The following KLHL30 variants were observed in gnomAD, a reference collection of about 807,000 sequenced individuals.
KLHL30 encodes kelch like family member 30.
Under a neutral mutation model 55.0 loss-of-function variants are expected in KLHL30, and 55 were observed. The observed-to-expected ratio is 1.00, with a 90% CI of 0.80 to 1.25. The LOEUF is 1.25. Among genes scored for constraint, KLHL30 ranks in the 50% most tolerant of loss-of-function variants. The pLI is 0.00. For missense variants in KLHL30, 786 were observed against 811.6 expected (o/e 0.97, Z 0.38); for synonymous variants, 356 against 372.6 (o/e 0.96, Z 0.51).
intron 2 of KLHL30, 105 bp from the exon 3 acceptor site, chr2:238,142,694 G>T: frequency 5.3e-6 from 6 of 1,132,912 alleles, no homozygotes; most frequent in Non-Finnish European, 6.9e-6. Context: ...CCAGCAACAT[G>T]CAAGCACACA....
rs757709210 is a variant in KLHL30, at chr2:238,150,975, G to A, written c.1647G>A (p.Leu549=). The A allele has an allele frequency of 3.6e-5, 57 of 1,590,788 alleles. No homozygotes were observed. Among genetic ancestry groups the A allele is most frequent in the Admixed American group, 1.1e-4 (6 of 56,952 alleles). Residue 549 remains leucine, a synonymous_variant, in exon 8 of 8, where the codon CTG becomes CTA. Transcript: ENST00000409223. The part of the protein sequence containing the change: ...VRDTWTRHGA[L]PRLWLYHGAS... Reference sequence around the variant, plus strand: ...ACACCTGGACCCGCCACGGCGCCCTGCCCCGGCTCTGGCTCTACCACGGGG... The same window carrying A: ...ACACCTGGACCCGCCACGGCGCCCTACCCCGGCTCTGGCTCTACCACGGGG...
chr2:238,148,154 G>A (rs1239187310), intron 6 of KLHL30, 132 bp downstream of exon 6: 21 of 851,204 alleles, frequency 2.5e-5, no homozygotes, highest in East Asian at 9.9e-5. Flanking sequence ...GCCGGCGGCC[G>A]CAGGCCTCTC....
At chr2:238,149,178 T>C in intron 7 of KLHL30, 26 bp downstream of exon 7, 1 of 1,610,736 alleles carries the variant, frequency 6.2e-7, no homozygotes, top group Non-Finnish European at 8.5e-7. Flanking sequence ...CCCCAACATG[T>C]GTGAGCCCCT....
chr2:238,140,899 G>T lies in KLHL30; in HGVS notation c.145G>T (p.Gly49Cys). ...CGGCCGGGAGCTGCCATGCCACCGCGGCCTCCTGGCGCTCAGCAGCCCCTA... is the reference window on the plus strand; with the variant it reads ...CGGCCGGGAGCTGCCATGCCACCGCTGCCTCCTGGCGCTCAGCAGCCCCTA... ...VGGRELPCHR[G>C]LLALSSPYFH... The change falls in exon 2 of 8, where the codon GGC becomes TGC. Residue 49 changes from glycine to cysteine, a missense_variant. Transcript: ENST00000409223. 6.2e-7 allele frequency: 1 copy of T among 1,610,490 alleles called. No individual in the cohort carries two copies. The highest frequency in any genetic ancestry group is 8.5e-7 in the Non-Finnish European group (1 of 1,178,240).
rs778793438 is a variant in KLHL30, at chr2:238,141,310, G to A, written c.556G>A (p.Asp186Asn). The A allele has an allele frequency of 8.1e-6, 13 of 1,596,868 alleles. No individual in the cohort carries two copies. The Admixed American group carries it at 1.7e-4, about 21-fold the overall frequency. Reference sequence around the variant, plus strand: ...GCGGCTGGTCACTTGTCTGGCCGGCGACCTGCTGCAGGTACAGCCGGAGCA... The same window carrying A: ...GCGGCTGGTCACTTGTCTGGCCGGCAACCTGCTGCAGGTACAGCCGGAGCA... ...RERLVTCLAG[D>N]LLQVQPEQSR... is the part of the protein sequence containing the mutation. Residue 186 changes from aspartate (D) to asparagine (N), a missense_variant, in exon 2 of 8, where the codon GAC (aspartate) becomes AAC (asparagine). Coordinates refer to ENST00000409223, the MANE Select transcript of KLHL30 (RefSeq NM_198582.4).
At chr2:238,144,380 A>C (rs538406223) in intron 3 of KLHL30, among the ~76,000 whole-genome samples, 10 of 102,656 alleles carry the variant, frequency 9.7e-5, no homozygotes, top group African/African-American at 3.8e-4. Flanking sequence ...GGAAGGAAGG[A>C]AGGAAGGAAG....
At position 238,140,772 on chromosome 2, in the gene KLHL30, T is replaced by C. The variant is rs902292151; in HGVS notation, c.18T>C (p.Asp6=). The stretch of plus-strand genomic sequence containing the variant: ...ACGGCGTCATGGTGCGGAACGTGGA[T>C]GACCTGGATTTCCACCTGCCCTCGC... MVRNV[D]DLDFHLPSHA... The change falls in exon 2 of 8, where the codon GAT becomes GAC. Residue 6 remains aspartate, a synonymous_variant. Transcript: ENST00000409223. 1 of 1,546,172 alleles carries C rather than the reference T, an allele frequency of 6.5e-7. No individual in the cohort carries two copies. The highest frequency in any genetic ancestry group is 8.8e-7 in the Non-Finnish European group (1 of 1,141,246).
chr2:238,151,190 C>A lies in KLHL30; in HGVS notation c.*125C>A. The A allele has an allele frequency of 1.5e-6, 2 of 1,320,176 alleles. No individual in the cohort carries two copies. The highest frequency in any genetic ancestry group is 2.1e-6 in the Non-Finnish European group (2 of 974,058). 81.8% of individuals were successfully genotyped at this position (1,320,176 alleles called of 1,614,324 possible). A position where few individuals can be genotyped will look rare whatever the true frequency, so the allele number is the denominator to read the frequency against. ...CCATTCCTTCCAAGCTGCGCTCAGG[C>A]CACCAGGGGTGATCAGACGGCATGG... On this transcript the variant is annotated 3_prime_UTR_variant, in exon 8 of 8. Transcript: ENST00000409223.
chr2:238,145,002 G>A lies in KLHL30; in HGVS notation c.994+14G>A, dbSNP rs1692622180. 1 of 1,585,474 alleles carries A rather than the reference G, an allele frequency of 6.3e-7. No individual in the cohort carries two copies. Among genetic ancestry groups the A allele is most frequent in the African/African-American group, 1.3e-5 (1 of 74,456 alleles). ...TCTATGTCACAGGTGGGCAGCTCGG[G>A]GACCCTTCCAGAGATGCCCTGCCCA... On this transcript the variant is annotated intron_variant, in intron 4 of 7. Coordinates refer to ENST00000409223, the MANE Select transcript of KLHL30 (RefSeq NM_198582.4).
chr2:238,141,107 T>A lies in KLHL30; in HGVS notation c.353T>A (p.Val118Glu), dbSNP rs1692527885. The A allele has an allele frequency of 6.2e-7, 1 of 1,610,206 alleles. No individual in the cohort carries two copies. Among genetic ancestry groups the A allele is most frequent in the African/African-American group, 1.3e-5 (1 of 74,912 alleles). The change falls in exon 2 of 8, where the codon GTG (valine) becomes GAG (glutamate). Residue 118 changes from valine (V) to glutamate (E), a missense_variant. Coordinates refer to ENST00000409223, the MANE Select transcript of KLHL30 (RefSeq NM_198582.4). ...RTAARLHFPSVQKVCGRYLQQ... is the reference protein window; with the variant it reads ...RTAARLHFPSEQKVCGRYLQQ... ...GCTGCGCGCCTGCACTTCCCCTCGG[T>A]GCAGAAGGTCTGCGGCCGCTACCTG...
At chr2:238,139,760 C>G (rs566887154) in intron 1 of KLHL30, among the ~76,000 whole-genome samples, 4 of 152,228 alleles carry the variant, frequency 2.6e-5, no homozygotes, top group Non-Finnish European at 5.9e-5. Flanking sequence ...CGCCCCCTAG[C>G]GGGCGAACGG....
In KLHL30 at chr2:238,140,891, G is replaced by A; in HGVS notation, c.137G>A (p.Cys46Tyr). The A allele has an allele frequency of 6.2e-7, 1 of 1,611,138 alleles. No individual in the cohort carries two copies. The highest frequency in any genetic ancestry group is 8.5e-7 in the Non-Finnish European group (1 of 1,178,648). Residue 46 changes from cysteine (C) to tyrosine (Y), a missense_variant, in exon 2 of 8, where the codon TGC (cysteine) becomes TAC (tyrosine). Transcript: ENST00000409223. ...TLLVGGRELP[C>Y]HRGLLALSSP... ...CTGGTGGGCGGCCGGGAGCTGCCAT[G>A]CCACCGCGGCCTCCTGGCGCTCAGC...
intron 2 of KLHL30, among the ~76,000 whole-genome samples, chr2:238,142,492 C>G (rs1350830654): frequency 6.6e-6 from 1 of 152,174 alleles, no homozygotes; most frequent in Non-Finnish European, 1.5e-5. Context: ...CAGCATTTCC[C>G]ACTGAGCCGG....
At position 238,145,831 on chromosome 2, in the gene KLHL30, C is replaced by A. The variant is rs773435831; in HGVS notation, c.1149C>A (p.Gly383=). The A allele has an allele frequency of 1.9e-6, 3 of 1,594,452 alleles. No homozygotes were observed. The highest frequency in any genetic ancestry group is 1.7e-5 in the Admixed American group (1 of 58,592). Residue 383 remains glycine (G), a splice_region_variant and synonymous_variant, in exon 5 of 8, where the codon GGC becomes GGA. Coordinates refer to ENST00000409223, the MANE Select transcript of KLHL30 (RefSeq NM_198582.4). ...TCAATGGGGAGATCTACGTTATCGG[C>A]GGTGAGGCCTTCCTCTCCACCCTTC... ...AALNGEIYVI[G]GTTLDVVEVE...
At chr2:238,148,119 A>T (rs954904158) in intron 6 of KLHL30, 97 bp downstream of exon 6, 72 of 1,186,072 alleles carry the variant, frequency 6.1e-5, no homozygotes, top group Non-Finnish European at 7.8e-5. Flanking sequence ...GCTCCTGAGG[A>T]TAGACGGGGC....
chr2:238,139,701 T>C (rs1213121762), intron 1 of KLHL30, among the ~76,000 whole-genome samples: 1 of 152,168 alleles, frequency 6.6e-6, no homozygotes, highest in Non-Finnish European at 1.5e-5. Flanking sequence ...ACGCATTTTG[T>C]ACCTGTGGAC....
chr2:238,145,922 G>A lies in KLHL30; in HGVS notation c.1150+90G>A, dbSNP rs116154586. On this transcript the variant is annotated intron_variant, in intron 5 of 7. Transcript: ENST00000409223. ...GAACCGAGAGCCCCATGCTGGCCTC[G>A]GAGACCACGGAGATGCCGCTCCCAC... The A allele has an allele frequency of 3.2e-3, 4,306 of 1,361,082 alleles. 97 individuals are homozygous for A. The African/African-American group carries it at 0.054, about 17-fold the overall frequency. 84.3% of individuals were successfully genotyped at this position (1,361,082 alleles called of 1,614,324 possible).
In KLHL30 at chr2:238,141,227, T is replaced by C; in HGVS notation, c.473T>C (p.Leu158Pro). ...GTGGCTGCCAAGGCCTGGGCCTTCC[T>C]GCGAGAGAACTTTGAGGCTGTGGCA... ...LGVAAKAWAF[L>P]RENFEAVARE... is the part of the protein sequence containing the mutation. The change falls in exon 2 of 8, where the codon CTG becomes CCG. Residue 158 changes from leucine (L) to proline (P), a missense_variant. By Grantham distance (98) the Leu-to-Pro change is moderately conservative. Coordinates refer to ENST00000409223, the MANE Select transcript of KLHL30 (RefSeq NM_198582.4). The C allele has an allele frequency of 6.2e-7, 1 of 1,609,598 alleles. No homozygotes were observed. The highest frequency in any genetic ancestry group is 8.5e-7 in the Non-Finnish European group (1 of 1,179,648).
At position 238,146,724 on chromosome 2, in the gene KLHL30, TA is replaced by T. The variant is rs879845438; in HGVS notation, c.1150+901del. 2.1e-3 allele frequency among the ~76,000 whole-genome samples: 310 copies of T among 145,662 alleles called. 1 individual carries two copies. Among genetic ancestry groups the T allele is most frequent in the Non-Finnish European group, 3.2e-3 (211 of 66,436 alleles). ...CCCCAGCCCATAAAAAAATAAAAAA[TA>T]AAAAAAAATAGCCAGGCCAGGTGCA... is the stretch of plus-strand genomic sequence containing the variant. On this transcript the variant is annotated intron_variant, in intron 5 of 7. Transcript: ENST00000409223.
Sources: gnomAD v4.1 joint callset for allele counts (sites outside exome capture counted in the v4.1 genomes callset) on GRCh38, gnomAD v4.1.1 for gene constraint, MANE v1.5 for transcripts, NCBI Gene and HGNC (gene_info 2026-07-23, HGNC 2026-07-21) for gene names.